The following NCOR2 variants were observed in gnomAD, a reference collection of about 807,000 sequenced individuals.
NCOR2 encodes the protein nuclear receptor corepressor 2.
A neutral mutation model predicts 262.9 loss-of-function variants in NCOR2; 81 were observed. That is an observed-to-expected ratio of 0.31 (90% CI 0.26 to 0.37). The LOEUF is 0.37. Among genes scored for constraint, NCOR2 ranks in the 10% least tolerant of loss-of-function variants. The probability of loss-of-function intolerance (pLI) is 1.00; values close to 1 mark genes in which losing one functional copy is unlikely to be tolerated. For synonymous variants in NCOR2, 1,659 were observed against 1,559.3 expected (o/e 1.06, Z -1.51); for missense variants, 3,385 against 3,621.4 (o/e 0.93, Z 1.68).
In NCOR2 at chr12:124,378,997, G is replaced by C. The variant is rs2040214231; in HGVS notation, c.2020-613C>G. ...AGAAGCAGCACTCAGAGGATCAGAG[G>C]GTCGCGTGGGTGAAACAGGATGGGA... On this transcript the variant is annotated intron_variant, in intron 17 of 46. Coordinates refer to ENST00000405201, the Ensembl canonical transcript of NCOR2. This position sits in a 1 kb window ranked among gnomAD's most constrained non-coding sequence, Gnocchi z 4.2. Among the ~76,000 whole-genome samples, 1 of 152,282 alleles carries C rather than the reference G, an allele frequency of 6.6e-6. No individual in the cohort carries two copies. The highest frequency in any genetic ancestry group is 1.5e-5 in the Non-Finnish European group (1 of 68,058).
chr12:124,431,658 C>A (rs1040374123), intron 8 of NCOR2, among the ~76,000 whole-genome samples: 2 of 150,540 alleles, frequency 1.3e-5, no homozygotes, highest in South Asian at 4.2e-4. Flanking sequence ...CAGGCACACA[C>A]AAGTCACACA....
At chr12:124,426,692 T>C (rs1310061215) in exon 11 of NCOR2, 3 of 1,611,886 alleles carry the variant, frequency 1.9e-6, no homozygotes, top group Admixed American at 3.3e-5. Flanking sequence ...TACACCTTCA[T>C]GGGGTCGGCC....
chr12:124,557,169 G>A (rs888828108), intron 1 of NCOR2, among the ~76,000 whole-genome samples: 2 of 152,228 alleles, frequency 1.3e-5, no homozygotes, highest in Admixed American at 6.5e-5. Flanking sequence ...GCTGCCACGT[G>A]GGGGATGGGT....
In NCOR2 at chr12:124,566,448, T is replaced by C. The variant is rs1189562725; in HGVS notation, c.-165+860A>G. On this transcript the variant is annotated intron_variant, in intron 1 of 32. Transcript: ENST00000458234. This position sits in a 1 kb window ranked among gnomAD's most constrained non-coding sequence, Gnocchi z 4.3. ...TCTCTCCCTCCCGCCCGCCGTGCCC[T>C]CCCGCCCTCGGCTTGCTCCTCCTGC... Among the ~76,000 whole-genome samples the C allele has an allele frequency of 6.6e-6, 1 of 151,964 alleles. No homozygotes were observed. Among genetic ancestry groups the C allele is most frequent in the Non-Finnish European group, 1.5e-5 (1 of 67,950 alleles).
intron 19 of NCOR2, among the ~76,000 whole-genome samples, chr12:124,373,782 T>C (rs7307067): frequency 0.68 from 6,062 of 8,958 alleles, 2,618 homozygotes; most frequent in Middle Eastern, 0.88. Context: ...GCAGGGGCCC[T>C]GGGCACGGTG....
exon 31 of NCOR2, chr12:124,346,791 G>T: frequency 6.4e-7 from 1 of 1,567,558 alleles, no homozygotes; most frequent in Middle Eastern, 1.7e-4. Context: ...TCCCGCTTTA[G>T]GAGCTTGGCC....
exon 43 of NCOR2, chr12:124,332,338 G>T: frequency 6.2e-7 from 1 of 1,614,192 alleles, no homozygotes; most frequent in Non-Finnish European, 8.5e-7. Flanking sequence ...GCTCATTCCG[G>T]TTGTGGGTGT....
intron 3 of NCOR2, among the ~76,000 whole-genome samples, chr12:124,479,524 C>G (rs903775793): frequency 1.3e-5 from 2 of 151,896 alleles, no homozygotes; most frequent in Non-Finnish European, 2.9e-5. Flanking sequence ...CATGCGCGCA[C>G]ACGCACACAC....
At position 124,547,678 on chromosome 12, in the gene NCOR2, T is replaced by C. The variant is rs140145914; in HGVS notation, c.-164-12067A>G. ...AGTAGGTTCTCCCCAGGTCCCCTCC[T>C]TCCAGCCTCTGGCAACCACCAATCT... On this transcript the variant is annotated intron_variant, in intron 1 of 32. Coordinates refer to the NCOR2 transcript ENST00000458234. Among the ~76,000 whole-genome samples the C allele has an allele frequency of 5.6e-3, 851 of 152,292 alleles. 5 individuals carry two copies. The highest frequency in any genetic ancestry group is 0.019 in the African/African-American group (806 of 41,562).
rs2048940761 is a variant in NCOR2 at position 124,504,509 on chromosome 12, G to A, written c.-117-9141C>T. Among the ~76,000 whole-genome samples the A allele has an allele frequency of 1.3e-5, 2 of 152,170 alleles. No homozygotes were observed. Among genetic ancestry groups the A allele is most frequent in the African/African-American group, 4.8e-5 (2 of 41,430 alleles). On this transcript the variant is annotated intron_variant, in intron 1 of 46. Transcript: ENST00000404621. The surrounding 1 kb of genome is among the most constrained non-coding windows in gnomAD (Gnocchi z 4.5). ...TAGGTTAAACCCAGAATTACCCCATGACCCAGCGATGCCACTCCTAGCTAC... is the reference window on the plus strand; with the variant it reads ...TAGGTTAAACCCAGAATTACCCCATAACCCAGCGATGCCACTCCTAGCTAC...
intron 1 of NCOR2, among the ~76,000 whole-genome samples, chr12:124,559,589 T>C (rs974753508): frequency 3.3e-5 from 5 of 152,194 alleles, no homozygotes; most frequent in African/African-American, 1.2e-4. Flanking sequence ...AACAAGTGTT[T>C]TCCTTTGCTC....
chr12:124,354,770 C>A (rs1055182151), intron 25 of NCOR2, 67 bp downstream of exon 27: 105 of 1,491,156 alleles, frequency 7.0e-5, no homozygotes, highest in Admixed American at 3.7e-4. Context: ...CCTTCCTCCC[C>A]CGCCCCACCC....
At chr12:124,355,716 C>T in intron 23 of NCOR2, 145 bp from the exon 26 acceptor site, 1 of 1,262,366 alleles carries the variant, frequency 7.9e-7, no homozygotes, top group Non-Finnish European at 1.0e-6. Flanking sequence ...CTGCCTGGCT[C>T]TGTCCTCATT....
chr12:124,355,998 C>T (rs1159131870), intron 23 of NCOR2, among the ~76,000 whole-genome samples: 1 of 152,242 alleles, frequency 6.6e-6, no homozygotes, highest in African/African-American at 2.4e-5. Context: ...GGCCTTCAGG[C>T]TCGCCTGACC....
intron 1 of NCOR2, chr12:124,530,213 G>A (rs1306574678): frequency 1.3e-5 from 2 of 150,950 alleles, no homozygotes; most frequent in South Asian, 2.1e-4. Flanking sequence ...ATAATAAAAT[G>A]ATAATTTTAT....
chr12:124,438,018 G>T (rs1207374795), intron 7 of NCOR2, 22 bp from the exon 10 acceptor site: 1 of 1,601,836 alleles, frequency 6.2e-7, no homozygotes, highest in Admixed American at 1.7e-5. Context: ...GGAAGCGGCA[G>T]ACAGGTCAGC....
At position 124,388,963 on chromosome 12, in the gene NCOR2, C is replaced by A. The variant is rs2041057493; in HGVS notation, c.1877-3076G>T. 6.9e-6 allele frequency: 5 copies of A among 721,768 alleles called. No individual in the cohort carries two copies. In the South Asian group the frequency reaches 7.3e-5, roughly 11 times the overall value. 44.7% of individuals were successfully genotyped at this position (721,768 alleles called of 1,614,324 possible). A position where few individuals can be genotyped will look rare whatever the true frequency, so the allele number is the denominator to read the frequency against. ...GGGGCGGGCGGGAGGCAGCTCCTCA[C>A]AAGTCCGCCTGCCTGTGGTGGCCCG... On this transcript the variant is annotated intron_variant, in intron 16 of 46. Coordinates refer to ENST00000405201, the Ensembl canonical transcript of NCOR2.
intron 18 of NCOR2, among the ~76,000 whole-genome samples, chr12:124,375,727 T>C (rs1211895860): frequency 1.3e-5 from 2 of 152,176 alleles, no homozygotes; most frequent in Admixed American, 6.5e-5. Flanking sequence ...TGCCTCAGTC[T>C]CCCCATCTGT....
chr12:124,350,920 T>C (rs2037397212), intron 27 of NCOR2, among the ~76,000 whole-genome samples, 183 bp from the exon 30 acceptor site: 2 of 152,244 alleles, frequency 1.3e-5, no homozygotes, highest in Admixed American at 1.3e-4. Context: ...ACCTGAAGAA[T>C]GAAGATCCCT....
Sources: allele counts gnomAD v4.1 joint callset (sites outside exome capture counted in the v4.1 genomes callset), GRCh38; gene constraint gnomAD v4.1.1; non-coding constraint Gnocchi (gnomAD v3.1); transcripts MANE v1.5; gene names NCBI Gene and HGNC (gene_info 2026-07-23, HGNC 2026-07-21).